The following CAPN2 variants were observed in gnomAD, a reference collection of about 807,000 sequenced individuals.
CAPN2 encodes calpain 2, also known as calpain-2 catalytic subunit.
Under a neutral mutation model 102.3 loss-of-function variants are expected in CAPN2, and 92 were observed. That is an observed-to-expected ratio of 0.90 (90% CI 0.76 to 1.07). The LOEUF (loss-of-function observed/expected upper bound fraction) is 1.07. Ranked by LOEUF, CAPN2 falls within the 50% of genes least tolerant of loss-of-function variation. The probability of loss-of-function intolerance (pLI) is 0.00; values close to 1 mark genes in which losing one functional copy is unlikely to be tolerated. For synonymous variants in CAPN2, 340 were observed against 355.4 expected, an observed-to-expected ratio of 0.96 and a Z score of 0.49; for missense variants, 800 against 909.4, an observed-to-expected ratio of 0.88 and a Z score of 1.55.
At position 223,712,635 on chromosome 1, in the gene CAPN2, C is replaced by T. The variant is rs1245900372; in HGVS notation, c.-6C>T. On this transcript the variant is annotated 5_prime_UTR_variant, in exon 1 of 21. Transcript: ENST00000295006. ...CTCTGCGCAGTACGGCCGCCGGGAC[C>T]GCAGCATGGCGGGCATCGCGGCCAA... 1 of 1,521,406 alleles carries T rather than the reference C, an allele frequency of 6.6e-7. No individual in the cohort carries two copies. Among genetic ancestry groups the T allele is most frequent in the Non-Finnish European group, 8.8e-7 (1 of 1,134,184 alleles). The allele number at this position is 1,521,406 out of a possible 1,614,324, so 94.2% of individuals were successfully genotyped here.
In CAPN2 at chr1:223,727,079, TG is replaced by T. The variant is rs1660211954; in HGVS notation, c.307+9249del. ...CGCCTTCTTGGGCTGCCTAGGACCT[TG>T]AGAGATGTGTCTCTCTGGGACAGGG... On this transcript the variant is annotated intron_variant, in intron 2 of 20. Coordinates refer to ENST00000295006, the MANE Select transcript of CAPN2 (RefSeq NM_001748.5). This position sits in a 1 kb window ranked among gnomAD's most constrained non-coding sequence, Gnocchi z 4.1. 6.6e-6 allele frequency among the ~76,000 whole-genome samples: 1 copy of T among 152,186 alleles called. No homozygotes were observed. Among genetic ancestry groups the T allele is most frequent in the Non-Finnish European group, 1.5e-5 (1 of 68,024 alleles).
chr1:223,717,026 G>C (rs184229893), intron 1 of CAPN2, among the ~76,000 whole-genome samples: 1 of 152,282 alleles, frequency 6.6e-6, no homozygotes, highest in East Asian at 1.9e-4. Flanking sequence ...TTCCTCGTCT[G>C]TAAAAGGGGG....
intron 2 of CAPN2, among the ~76,000 whole-genome samples, chr1:223,718,051 G>A (rs1659927989): frequency 6.6e-6 from 1 of 152,242 alleles, no homozygotes; most frequent in African/African-American, 2.4e-5. Flanking sequence ...CCTGCACAGG[G>A]CTAGTTGCTG....
chr1:223,721,254 A>G (rs1309937810), intron 2 of CAPN2, among the ~76,000 whole-genome samples: 1 of 152,212 alleles, frequency 6.6e-6, no homozygotes, highest in African/African-American at 2.4e-5. Flanking sequence ...TGGAGCCTCC[A>G]CTGGCTGACC....
At chr1:223,757,771 A>G (rs975280647) in intron 11 of CAPN2, 7 of 229,206 alleles carry the variant, frequency 3.1e-5, no homozygotes, top group Admixed American at 2.7e-4. Context: ...GGGAGCACAG[A>G]GGAGACCAGG....
At position 223,759,245 on chromosome 1, in the gene CAPN2, C is replaced by T; in HGVS notation, c.1318-25C>T. The T allele has an allele frequency of 6.3e-7, 1 of 1,599,052 alleles. No homozygotes were observed. The stretch of plus-strand genomic sequence containing the variant: ...CCTGGAGGCTTCCCCTCATCTACCC[C>T]CATGTTTCTCTATTTATTCCTCAGT... On this transcript the variant is annotated intron_variant, in intron 11 of 20. Coordinates refer to ENST00000295006, the MANE Select transcript of CAPN2 (RefSeq NM_001748.5). This position sits in a 1 kb window ranked among gnomAD's most constrained non-coding sequence, Gnocchi z 4.6.
intron 14 of CAPN2, among the ~76,000 whole-genome samples, chr1:223,762,979 T>C (rs1157230831): frequency 6.6e-6 from 1 of 152,108 alleles, no homozygotes; most frequent in African/African-American, 2.4e-5. Flanking sequence ...CATACCACCA[T>C]GCCCAGCTAA....
chr1:223,776,016 C>T lies in CAPN2; in HGVS notation c.*1159C>T, dbSNP rs915138009. The stretch of plus-strand genomic sequence containing the variant: ...TGGAACTATAAAATTTTTTAAAATC[C>T]AATTCAGAAACTTTGATAATCTGAC... On this transcript the variant is annotated 3_prime_UTR_variant, in exon 21 of 21. Coordinates refer to ENST00000295006, the MANE Select transcript of CAPN2 (RefSeq NM_001748.5). This position sits in a 1 kb window ranked among gnomAD's most constrained non-coding sequence, Gnocchi z 4.0. 2 of 151,854 alleles carry T rather than the reference C, an allele frequency of 1.3e-5. No homozygotes were observed. Among genetic ancestry groups the T allele is most frequent in the African/African-American group, 4.8e-5 (2 of 41,364 alleles). The allele number at this position is 151,854 out of a possible 1,614,324, so 9.4% of individuals were successfully genotyped here. A position where few individuals can be genotyped will look rare whatever the true frequency, so the allele number is the denominator to read the frequency against.
chr1:223,749,192 G>C (rs1660826008), intron 6 of CAPN2, 70 bp downstream of exon 6: 1 of 1,375,642 alleles, frequency 7.3e-7, no homozygotes, highest in Non-Finnish European at 1.0e-6. Context: ...AGTTTGTGGT[G>C]ATGCCCAGGG....
intron 1 of CAPN2, among the ~76,000 whole-genome samples, chr1:223,713,406 G>T (rs1377882540): frequency 1.3e-5 from 2 of 152,124 alleles, no homozygotes; most frequent in Non-Finnish European, 2.9e-5. Context: ...TTTTTCCAAA[G>T]GGGAGCCAGC....
intron 2 of CAPN2, among the ~76,000 whole-genome samples, chr1:223,723,578 G>A (rs972022811): frequency 3.9e-5 from 6 of 151,902 alleles, no homozygotes; most frequent in Admixed American, 2.6e-4. Context: ...TGTGGCTGCC[G>A]TCCACACTCC....
At chr1:223,770,256 T>C in intron 17 of CAPN2, 191 bp from the exon 18 acceptor site, 3 of 600,762 alleles carry the variant, frequency 5.0e-6, no homozygotes, top group Non-Finnish European at 9.0e-6. Flanking sequence ...GATGGGCATA[T>C]TTACAAACCA....
chr1:223,761,671 A>G (rs1432332135), intron 13 of CAPN2, 54 bp downstream of exon 13: 16 of 1,460,472 alleles, frequency 1.1e-5, no homozygotes, highest in Non-Finnish European at 1.4e-5. Flanking sequence ...TCCAGAGAGC[A>G]GAGGAGCAAA....
chr1:223,708,876 A>T (rs1039428251), upstream of CAPN2, among the ~76,000 whole-genome samples: 2 of 151,934 alleles, frequency 1.3e-5, no homozygotes, highest in Admixed American at 6.6e-5. Flanking sequence ...AGAAGGAAGG[A>T]AGGAAAAGAA....
Position 223,773,742 on chromosome 1 carries a change from G to A in CAPN2, c.2080-1092G>A, listed in dbSNP as rs950698717. ...CGTGGTGGCAGGTGCCTGTAAATAC[G>A]TTACTCTGGAGGCTGAGGCAGGAGA... On this transcript the variant is annotated intron_variant, in intron 20 of 20. Transcript: ENST00000295006. 3.3e-5 allele frequency among the ~76,000 whole-genome samples: 5 copies of A among 152,096 alleles called. No homozygotes were observed. In the East Asian group the frequency reaches 9.7e-4, roughly 29 times the overall value.
chr1:223,736,599 T>G (rs768495595), intron 2 of CAPN2, among the ~76,000 whole-genome samples: 31 of 152,152 alleles, frequency 2.0e-4, no homozygotes, highest in Non-Finnish European at 2.2e-4. Context: ...CAGTGCTGGG[T>G]CCAGACTCCC....
chr1:223,738,615 C>A (rs1191337915), intron 2 of CAPN2, among the ~76,000 whole-genome samples: 4 of 152,186 alleles, frequency 2.6e-5, no homozygotes, highest in African/African-American at 4.8e-5. Flanking sequence ...CGCCTCCAGG[C>A]AGGCTCACGT....
chr1:223,718,604 A>G (rs750140827), intron 2 of CAPN2, among the ~76,000 whole-genome samples: 7 of 152,324 alleles, frequency 4.6e-5, no homozygotes, highest in Non-Finnish European at 7.4e-5. Flanking sequence ...CTCATAATAA[A>G]TGTGGGCCTA....
At chr1:223,720,414 C>T (rs191980746) in intron 2 of CAPN2, among the ~76,000 whole-genome samples, 8 of 148,706 alleles carry the variant, frequency 5.4e-5, no homozygotes, top group East Asian at 2.0e-4. Flanking sequence ...CTCCTGGGCT[C>T]GAGTGATCCT....
Sources: gnomAD v4.1 joint callset for allele counts (sites outside exome capture counted in the v4.1 genomes callset) on GRCh38, gnomAD v4.1.1 for gene constraint, Gnocchi (gnomAD v3.1) non-coding constraint, MANE v1.5 for transcripts, NCBI Gene and HGNC (gene_info 2026-07-23, HGNC 2026-07-21) for gene names.